The following CALN1 variants were observed in gnomAD, a reference collection of about 807,000 sequenced individuals.
CALN1 encodes the protein calneuron 1, also known as calcium-binding protein 8.
In CALN1, 17 loss-of-function variants were observed where a neutral mutation model predicts 30.6. That is an observed-to-expected ratio of 0.56 (90% confidence interval 0.38 to 0.83). CALN1 has a LOEUF of 0.83. CALN1 is among the 40% of genes least tolerant of loss of function. The pLI is 0.00. For synonymous variants in CALN1, 156 were observed against 131.4 expected (o/e 1.19, Z -1.28); for missense variants, 291 against 354.9 (o/e 0.82, Z 1.45).
intron 3 of CALN1, among the ~76,000 whole-genome samples, chr7:72,147,134 C>T (rs1433636131): frequency 6.6e-6 from 1 of 152,198 alleles, no homozygotes; most frequent in African/African-American, 2.4e-5. Flanking sequence ...TAATTAAACT[C>T]AAGAGCTTCT....
intron 3 of CALN1, among the ~76,000 whole-genome samples, chr7:72,205,763 T>C (rs1167394396): frequency 6.6e-6 from 1 of 151,670 alleles, no homozygotes; most frequent in African/African-American, 2.4e-5. Context: ...AATTCAAGTT[T>C]ATATGTATTT....
intron 3 of CALN1, among the ~76,000 whole-genome samples, chr7:72,125,274 C>A (rs1329509102): frequency 6.6e-6 from 1 of 152,162 alleles, no homozygotes; most frequent in Admixed American, 6.5e-5. Flanking sequence ...CTCAGCCTCC[C>A]AAAATGCTGG....
At chr7:72,328,075 G>C (rs966542255) in intron 2 of CALN1, among the ~76,000 whole-genome samples, 2 of 152,012 alleles carry the variant, frequency 1.3e-5, no homozygotes, top group Non-Finnish European at 2.9e-5. Context: ...TGCCTTCCAA[G>C]TTCTATGTAA....
intron 5 of CALN1, among the ~76,000 whole-genome samples, chr7:71,878,669 G>C (rs1344918186): frequency 6.6e-6 from 1 of 152,186 alleles, no homozygotes; most frequent in Non-Finnish European, 1.5e-5. Context: ...TAGAGTGTGG[G>C]AGGTCCTTGA....
At chr7:71,801,408 G>GTATC (rs1487288721) in intron 6 of CALN1, among the ~76,000 whole-genome samples, 10 of 135,564 alleles carry the variant, frequency 7.4e-5, no homozygotes, top group Admixed American at 2.4e-4. Context: ...ATGTATGTAT[G>GTATC]TATGTATGTA....
intron 5 of CALN1, among the ~76,000 whole-genome samples, chr7:71,959,210 A>G (rs1230570971): frequency 6.6e-6 from 1 of 152,074 alleles, no homozygotes; most frequent in African/African-American, 2.4e-5. Flanking sequence ...GTTCAGGAGG[A>G]GCTTCCCTTC....
At chr7:72,303,485 A>T (rs2129555790) in intron 2 of CALN1, among the ~76,000 whole-genome samples, 1 of 151,440 alleles carries the variant, frequency 6.6e-6, no homozygotes, top group East Asian at 2.0e-4. Flanking sequence ...TAAACCTGGG[A>T]GGCAGAGGCT....
chr7:72,178,917 G>C (rs1171470403), intron 3 of CALN1, among the ~76,000 whole-genome samples: 1 of 152,094 alleles, frequency 6.6e-6, no homozygotes, highest in Non-Finnish European at 1.5e-5. Context: ...GGTTTTCCGT[G>C]TTTTCAATAT....
intron 4 of CALN1, among the ~76,000 whole-genome samples, chr7:72,027,325 G>A (rs1039184085): frequency 6.6e-6 from 1 of 152,170 alleles, no homozygotes; most frequent in African/African-American, 2.4e-5. Context: ...CGGTCTATCA[G>A]CAGTGGGCAT....
the CALN1 span, among the ~76,000 whole-genome samples, chr7:72,467,311 G>T: frequency 6.6e-6 from 1 of 152,216 alleles, no homozygotes; most frequent in African/African-American, 2.4e-5. Flanking sequence ...CCACACGGCA[G>T]GGGGGTGCCA....
intron 3 of CALN1, among the ~76,000 whole-genome samples, chr7:72,225,541 G>C (rs1793608764): frequency 6.6e-6 from 1 of 151,972 alleles, no homozygotes; most frequent in Non-Finnish European, 1.5e-5. Flanking sequence ...CAAGCAGCTA[G>C]ACGGAAAGAT....
At chr7:71,907,167 C>T (rs1794180724) in intron 5 of CALN1, among the ~76,000 whole-genome samples, 1 of 152,050 alleles carries the variant, frequency 6.6e-6, no homozygotes, top group Non-Finnish European at 1.5e-5. Flanking sequence ...TGTTCCACTT[C>T]ATAAAGTATG....
intron 5 of CALN1, among the ~76,000 whole-genome samples, chr7:71,847,730 A>G (rs1393197666): frequency 7.9e-6 from 1 of 126,470 alleles, no homozygotes; most frequent in Non-Finnish European, 1.7e-5. Context: ...AAGAAGAAAG[A>G]AGAAAGAAGA....
At chr7:72,089,206 T>C (rs897149744) in intron 4 of CALN1, among the ~76,000 whole-genome samples, 8 of 152,138 alleles carry the variant, frequency 5.3e-5, no homozygotes, top group Admixed American at 3.9e-4. Flanking sequence ...TAATTTCTTA[T>C]CTTCCATAAA....
intron 2 of CALN1, among the ~76,000 whole-genome samples, chr7:72,373,930 G>C (rs1210591363): frequency 6.6e-6 from 1 of 152,182 alleles, no homozygotes; most frequent in Non-Finnish European, 1.5e-5. Flanking sequence ...TTCTCACGTG[G>C]AATCATGAAG....
chr7:72,072,145 A>G (rs1804441433), intron 4 of CALN1, among the ~76,000 whole-genome samples: 1 of 152,210 alleles, frequency 6.6e-6, no homozygotes, highest in Non-Finnish European at 1.5e-5. Context: ...CTGATGAAAG[A>G]TATTAATATC....
At chr7:72,140,572 G>A (rs962806316) in intron 3 of CALN1, among the ~76,000 whole-genome samples, 2 of 152,246 alleles carry the variant, frequency 1.3e-5, no homozygotes, top group Non-Finnish European at 2.9e-5. Flanking sequence ...AGCCCCCTCA[G>A]GGATTACACC....
At position 71,957,042 on chromosome 7, in the gene CALN1, C is replaced by T. The variant is rs1313895187; in HGVS notation, c.501+66615G>A. ...TAGTCAATCCCTTCATCTCCCTTCACGGGAGCTTTATGAATTGGTGGGGAG... is the reference window on the plus strand; with the variant it reads ...TAGTCAATCCCTTCATCTCCCTTCATGGGAGCTTTATGAATTGGTGGGGAG... On this transcript the variant is annotated intron_variant, in intron 5 of 6. Coordinates refer to ENST00000395275, the MANE Select transcript of CALN1 (RefSeq NM_031468.4). Among the ~76,000 whole-genome samples, 4 of 152,022 alleles carry T rather than the reference C, an allele frequency of 2.6e-5. No homozygotes were observed. In the East Asian group the frequency reaches 5.8e-4, roughly 22 times the overall value.
chr7:71,991,102 T>C (rs1272188013), intron 5 of CALN1, among the ~76,000 whole-genome samples: 2 of 151,968 alleles, frequency 1.3e-5, no homozygotes, highest in African/African-American at 2.4e-5. Flanking sequence ...ATTCGATGTG[T>C]TGCACAGGAG....
Sources: allele counts gnomAD v4.1 joint callset (sites outside exome capture counted in the v4.1 genomes callset), GRCh38; gene constraint gnomAD v4.1.1; transcripts MANE v1.5; gene names NCBI Gene and HGNC (gene_info 2026-07-23, HGNC 2026-07-21).